Variants in TMEM38B observed in about 807,000 individuals in gnomAD.
The protein encoded by TMEM38B is transmembrane protein 38B.
A neutral mutation model predicts 28.7 loss-of-function variants in TMEM38B; 24 were observed. The observed-to-expected ratio is 0.84, with a 90% CI of 0.61 to 1.18. The LOEUF is 1.18. Ranked by LOEUF, TMEM38B falls within the 50% of genes most tolerant of loss-of-function variation. TMEM38B has a pLI of 0.00. For missense variants in TMEM38B, 380 were observed against 350.9 expected (o/e 1.08, Z -0.66); for synonymous variants, 131 against 127.7 (o/e 1.03, Z -0.17).
intron 4 of TMEM38B, among the ~76,000 whole-genome samples, chr9:105,729,741 T>G (rs1196361300): frequency 6.6e-6 from 1 of 152,186 alleles, no homozygotes; most frequent in Non-Finnish European, 1.5e-5. Flanking sequence ...TTTGTTTGTG[T>G]CCTCTTTTAT....
At chr9:105,755,148 T>C (rs1316752936) in intron 5 of TMEM38B, among the ~76,000 whole-genome samples, 2 of 152,164 alleles carry the variant, frequency 1.3e-5, no homozygotes, top group African/African-American at 4.8e-5. Context: ...CAGTAATACA[T>C]AGCCTACCAA....
At chr9:105,773,048 T>G (rs1826608223) in intron 5 of TMEM38B, among the ~76,000 whole-genome samples, 1 of 152,154 alleles carries the variant, frequency 6.6e-6, no homozygotes, top group African/African-American at 2.4e-5. Context: ...ATTTCTAGTT[T>G]AAGTCATTAT....
intron 1 of TMEM38B, among the ~76,000 whole-genome samples, chr9:105,701,880 G>A (rs902074206): frequency 1.3e-5 from 2 of 152,150 alleles, no homozygotes; most frequent in Non-Finnish European, 2.9e-5. Flanking sequence ...GGGAATAACT[G>A]CAAGGTGAGT....
intron 2 of TMEM38B, among the ~76,000 whole-genome samples, chr9:105,718,516 G>T (rs1023790619): frequency 1.3e-5 from 2 of 152,198 alleles, no homozygotes; most frequent in East Asian, 3.8e-4. Flanking sequence ...GGGATTACAG[G>T]CATGAGCCAC....
intron 4 of TMEM38B, among the ~76,000 whole-genome samples, chr9:105,733,543 T>G (rs1438729831): frequency 6.6e-6 from 1 of 151,854 alleles, no homozygotes; most frequent in Non-Finnish European, 1.5e-5. Context: ...GAAATATTGG[T>G]ATTAATTCTG....
intron 1 of TMEM38B, among the ~76,000 whole-genome samples, chr9:105,698,758 C>G (rs1332519209): frequency 1.3e-5 from 2 of 152,050 alleles, no homozygotes; most frequent in African/African-American, 4.8e-5. Context: ...GGAAGCTTTC[C>G]ATTTTTTAAG....
rs1836727784 is a variant in TMEM38B, at chr9:105,731,172, G to GGTCTTTCCT, written c.542+8553_542+8561dup. On this transcript the variant is annotated intron_variant, in intron 4 of 5. Transcript: ENST00000374692. ...TTGTGATCTTAGGGTGTTGATTTTAGGTCTTTCCTGCTTTCTCTTGTGGGC... is the reference window on the plus strand; with the variant it reads ...TTGTGATCTTAGGGTGTTGATTTTAGGTCTTTCCTGTCTTTCCTGCTTTCTCTTGTGGGC... 2.0e-5 allele frequency among the ~76,000 whole-genome samples: 3 copies of GGTCTTTCCT among 151,766 alleles called. No homozygotes were observed. The South Asian group carries it at 6.3e-4, about 32-fold the overall frequency.
intron 1 of TMEM38B, among the ~76,000 whole-genome samples, chr9:105,696,855 A>G (rs902648747): frequency 2.0e-5 from 3 of 152,272 alleles, no homozygotes; most frequent in Non-Finnish European, 4.4e-5. Flanking sequence ...CTTTTACACA[A>G]GGAACAGTAG....
intron 5 of TMEM38B, among the ~76,000 whole-genome samples, chr9:105,763,724 C>A (rs1453244226): frequency 6.6e-6 from 1 of 152,180 alleles, no homozygotes; most frequent in Admixed American, 6.5e-5. Flanking sequence ...CTCCCTTACT[C>A]ATTTTATGAG....
intron 4 of TMEM38B, among the ~76,000 whole-genome samples, chr9:105,736,995 C>G (rs1168101458): frequency 6.6e-6 from 1 of 152,160 alleles, no homozygotes; most frequent in Non-Finnish European, 1.5e-5. Context: ...CTTGTTTTCC[C>G]AGCAACGGGA....
At chr9:105,744,828 C>A (rs1325637036) in intron 4 of TMEM38B, among the ~76,000 whole-genome samples, 1 of 152,034 alleles carries the variant, frequency 6.6e-6, no homozygotes, top group African/African-American at 2.4e-5. Flanking sequence ...TGAGTGAGAA[C>A]ATGTGGTGTT....
At chr9:105,722,946 A>G (rs1210048406) in intron 4 of TMEM38B, among the ~76,000 whole-genome samples, 1 of 152,228 alleles carries the variant, frequency 6.6e-6, no homozygotes, top group Non-Finnish European at 1.5e-5. Flanking sequence ...ACTTCTCTGG[A>G]TGAAAATGAA....
At chr9:105,710,228 T>C (rs1312975401) in intron 2 of TMEM38B, 3 of 524,802 alleles carry the variant, frequency 5.7e-6, no homozygotes, top group South Asian at 2.2e-5. Flanking sequence ...CTTTTTCCAC[T>C]TTCAGATCTT....
In TMEM38B at chr9:105,708,144, A is replaced by G. The variant is rs898596215; in HGVS notation, c.269+2391A>G. Among the ~76,000 whole-genome samples, 6 of 152,136 alleles carry G rather than the reference A, an allele frequency of 3.9e-5. No homozygotes were observed. In the East Asian group the frequency reaches 1.2e-3, roughly 29 times the overall value. On this transcript the variant is annotated intron_variant, in intron 2 of 5. Coordinates refer to ENST00000374692, the MANE Select transcript of TMEM38B (RefSeq NM_018112.3). ...TCTTCATGGAGCAGACAAAATTATT[A>G]CAGTTGGCCTTCTATACCCATGGGT...
chr9:105,735,892 T>C (rs1206292185), intron 4 of TMEM38B, among the ~76,000 whole-genome samples: 1 of 152,088 alleles, frequency 6.6e-6, no homozygotes, highest in African/African-American at 2.4e-5. Context: ...TTAGAGACAG[T>C]GTCTTGCTCT....
intron 4 of TMEM38B, among the ~76,000 whole-genome samples, chr9:105,740,504 C>G (rs6477460): frequency 6.6e-6 from 1 of 151,706 alleles, no homozygotes; most frequent in Admixed American, 6.6e-5. Flanking sequence ...TGAGGTCAAG[C>G]GATCCACCCT....
At chr9:105,718,769 T>C (rs1250911030) in intron 2 of TMEM38B, among the ~76,000 whole-genome samples, 1 of 152,206 alleles carries the variant, frequency 6.6e-6, no homozygotes, top group Non-Finnish European at 1.5e-5. Flanking sequence ...TTTTTTAGTA[T>C]GTTTATTTTT....
chr9:105,703,867 T>C (rs1226551064), intron 1 of TMEM38B, among the ~76,000 whole-genome samples: 1 of 152,162 alleles, frequency 6.6e-6, no homozygotes. Context: ...TGTCTGTTCA[T>C]GTCCTTCGCC....
intron 4 of TMEM38B, among the ~76,000 whole-genome samples, chr9:105,724,917 C>G (rs1287635280): frequency 6.6e-6 from 1 of 151,960 alleles, no homozygotes; most frequent in Non-Finnish European, 1.5e-5. Flanking sequence ...GTTCAGAAAC[C>G]TTGCATTGAT....
Sources: gnomAD v4.1 joint callset for allele counts (sites outside exome capture counted in the v4.1 genomes callset) on GRCh38, gnomAD v4.1.1 for gene constraint, MANE v1.5 for transcripts, NCBI Gene and HGNC (gene_info 2026-07-23, HGNC 2026-07-21) for gene names.